CENPP: variants seen among roughly 807,000 people sequenced by gnomAD.
CENPP encodes the protein centromere protein P.
Under a neutral mutation model 35.6 loss-of-function variants are expected in CENPP, and 24 were observed. The observed-to-expected ratio is 0.67, with a 90% confidence interval of 0.49 to 0.95. The LOEUF (loss-of-function observed/expected upper bound fraction) is 0.95, where lower values mean the gene tolerates loss of function less well. CENPP is among the 40% of genes least tolerant of loss of function. CENPP has a pLI of 0.00. For synonymous variants in CENPP, 120 were observed against 125.5 expected, an observed-to-expected ratio of 0.96 and a Z score of 0.29; for missense variants, 332 against 345.3, an observed-to-expected ratio of 0.96 and a Z score of 0.31.
intron 5 of CENPP, chr9:92,495,539 C>T (rs1846305115): frequency 1.0e-6 from 1 of 981,544 alleles, no homozygotes; most frequent in Non-Finnish European, 1.2e-6. Flanking sequence ...GCAAACTCTA[C>T]TGCTTTTCAA....
chr9:92,393,570 T>C (rs1842774650), intron 5 of CENPP, among the ~76,000 whole-genome samples: 1 of 152,206 alleles, frequency 6.6e-6, no homozygotes, highest in Non-Finnish European at 1.5e-5. Flanking sequence ...TTAAGTTTAA[T>C]GTGTGAGAAA....
chr9:92,337,611 TC>T lies in CENPP; in HGVS notation c.361del (p.Gln121ArgfsTer20). On this transcript the variant is annotated frameshift_variant, in exon 3 of 8. Transcript: ENST00000375587. LOFTEE classifies it high-confidence loss of function. ...ACATGGTTACATTTCAACTTGAATT[TC>T]AGATTCTGGAAATTCAGGTAAATTA... ...CHMVTFQLEF[Q>X]ILEIQNKERL... 1 of 1,600,336 alleles carries T rather than the reference TC, an allele frequency of 6.2e-7. No individual in the cohort carries two copies. Among genetic ancestry groups the T allele is most frequent in the South Asian group, 1.1e-5 (1 of 90,758 alleles).
At chr9:92,505,653 G>A (rs746473060) in intron 5 of CENPP, 1 of 1,606,374 alleles carries the variant, frequency 6.2e-7, no homozygotes, top group Admixed American at 1.7e-5. Context: ...CACTGAGATT[G>A]TTTCCTTCCA....
Position 92,599,212 on chromosome 9 carries a change from C to T in CENPP, c.565-12102C>T, listed in dbSNP as rs958982376. Among the ~76,000 whole-genome samples, 9 of 151,894 alleles carry T rather than the reference C, an allele frequency of 5.9e-5. No homozygotes were observed. In the South Asian group the frequency reaches 1.9e-3, roughly 32 times the overall value. On this transcript the variant is annotated intron_variant, in intron 5 of 7. Transcript: ENST00000375587. ...TGAAAACCATTTTACTATTCAGAAG[C>T]ACAGAAATGGCCCAAACCAGGCCCT...
At chr9:92,441,921 A>G (rs1257511940) in intron 5 of CENPP, among the ~76,000 whole-genome samples, 1 of 152,152 alleles carries the variant, frequency 6.6e-6, no homozygotes, top group East Asian at 1.9e-4. Context: ...AAATATTGTC[A>G]ATTATTTTTT....
intron 5 of CENPP, chr9:92,415,211 G>A: frequency 6.2e-7 from 1 of 1,613,372 alleles, no homozygotes; most frequent in African/African-American, 1.3e-5. Context: ...TCTTGTTCTG[G>A]GCTCTCATGA....
chr9:92,430,012 T>C (rs534830721), intron 5 of CENPP, among the ~76,000 whole-genome samples: 1 of 152,338 alleles, frequency 6.6e-6, no homozygotes, highest in South Asian at 2.1e-4. Context: ...TGCTAGTGTG[T>C]CTGAGGGGTC....
Position 92,340,937 on chromosome 9 carries a change from C to G in CENPP, c.378+3308C>G, listed in dbSNP as rs561615056. ...AAACTCTGACTGCTGGTGAGCCGGG[C>G]GGAACAGAGCCATATTTCTCTTCTT... is the stretch of plus-strand genomic sequence containing the variant. On this transcript the variant is annotated intron_variant, in intron 3 of 7. Coordinates refer to ENST00000375587, the MANE Select transcript of CENPP (RefSeq NM_001012267.3). Among the ~76,000 whole-genome samples, 11 of 152,216 alleles carry G rather than the reference C, an allele frequency of 7.2e-5. No individual in the cohort carries two copies. The South Asian group carries it at 8.3e-4, about 11-fold the overall frequency.
intron 5 of CENPP, among the ~76,000 whole-genome samples, chr9:92,452,081 A>G (rs1844727925): frequency 7.2e-6 from 1 of 139,200 alleles, no homozygotes; most frequent in South Asian, 2.3e-4. Context: ...CTAATTGAAT[A>G]CCCTTTATTT....
At chr9:92,512,713 G>A (rs1847429559) in intron 5 of CENPP, among the ~76,000 whole-genome samples, 1 of 152,140 alleles carries the variant, frequency 6.6e-6, no homozygotes, top group Non-Finnish European at 1.5e-5. Flanking sequence ...TTAACATTTA[G>A]TTAAGTTCAG....
chr9:92,417,444 AATC>A (rs751104779), intron 5 of CENPP: 1 of 1,614,062 alleles, frequency 6.2e-7, no homozygotes, highest in Non-Finnish European at 8.5e-7. Context: ...CCTGTTTGGT[AATC>A]ATCATCTGGC....
intron 5 of CENPP, among the ~76,000 whole-genome samples, chr9:92,577,950 TC>T (rs1327722443): frequency 4.9e-5 from 3 of 61,814 alleles, no homozygotes; most frequent in South Asian, 6.5e-4. Flanking sequence ...CCCTCCCCCC[TC>T]CCCCCACCCC....
intron 3 of CENPP, among the ~76,000 whole-genome samples, chr9:92,342,318 A>G (rs1270341240): frequency 6.6e-6 from 1 of 152,350 alleles, no homozygotes; most frequent in Non-Finnish European, 1.5e-5. Context: ...AATAGAGGGG[A>G]CTACTAGCAG....
At chr9:92,457,122 A>G (rs1844903900) in intron 5 of CENPP, 1 of 1,409,370 alleles carries the variant, frequency 7.1e-7, no homozygotes. Flanking sequence ...ATAGTTTGGC[A>G]AAATTCCGTT....
intron 5 of CENPP, among the ~76,000 whole-genome samples, chr9:92,519,537 G>GT (rs1346614697): frequency 6.6e-6 from 1 of 152,198 alleles, no homozygotes; most frequent in Non-Finnish European, 1.5e-5. Context: ...TTCAAGAAGG[G>GT]TGTCAAGACC....
At chr9:92,365,020 C>T (rs1841851428) in intron 4 of CENPP, among the ~76,000 whole-genome samples, 1 of 152,204 alleles carries the variant, frequency 6.6e-6, no homozygotes, top group Non-Finnish European at 1.5e-5. Flanking sequence ...TTCATTTATC[C>T]AGCAGTTACG....
chr9:92,554,610 C>T (rs1361275393), intron 5 of CENPP, among the ~76,000 whole-genome samples: 1 of 152,078 alleles, frequency 6.6e-6, no homozygotes, highest in African/African-American at 2.4e-5. Context: ...TTGTTGGATT[C>T]TATTAGCTAG....
At chr9:92,589,312 C>T (rs1850615019) in intron 5 of CENPP, among the ~76,000 whole-genome samples, 1 of 151,526 alleles carries the variant, frequency 6.6e-6, no homozygotes, top group Admixed American at 6.6e-5. Flanking sequence ...TGCCACTGCA[C>T]TCCAGCCTGG....
Position 92,615,664 on chromosome 9 carries a change from G to T in CENPP, c.*2515G>T, listed in dbSNP as rs576128225. 6.8e-6 allele frequency: 4 copies of T among 590,216 alleles called. No homozygotes were observed. Among genetic ancestry groups the T allele is most frequent in the Non-Finnish European group, 1.2e-5 (4 of 331,646 alleles). The allele number at this position is 590,216 out of a possible 1,614,324, so 36.6% of individuals were successfully genotyped here. A position where few individuals can be genotyped will look rare whatever the true frequency, so the allele number is the denominator to read the frequency against. On this transcript the variant is annotated 3_prime_UTR_variant, in exon 8 of 8. Coordinates refer to ENST00000375587, the MANE Select transcript of CENPP (RefSeq NM_001012267.3). ...ACTTCCTACATTCCTTGTCCAGGAA[G>T]TTGTTTCTAGTGCTCTTCAATTCCA...
Sources: gnomAD v4.1 joint callset for allele counts (sites outside exome capture counted in the v4.1 genomes callset) on GRCh38, gnomAD v4.1.1 for gene constraint, MANE v1.5 for transcripts, NCBI Gene and HGNC (gene_info 2026-07-23, HGNC 2026-07-21) for gene names.